Variants in AUTS2 observed in about 807,000 individuals in gnomAD.
AUTS2 encodes the protein autism susceptibility gene 2 protein.
Under a neutral mutation model 112.4 loss-of-function variants are expected in AUTS2, and 17 were observed. The observed-to-expected ratio is 0.15, with a 90% CI of 0.10 to 0.23. The LOEUF is 0.23. Among genes scored for constraint, AUTS2 ranks in the 10% least tolerant of loss-of-function variants. The pLI, the probability that AUTS2 is intolerant of heterozygous loss-of-function variation, is 1.00. For synonymous variants in AUTS2, 751 were observed against 702.7 expected (o/e 1.07, Z -1.09); for missense variants, 1,510 against 1,701.6 (o/e 0.89, Z 1.98).
intron 2 of AUTS2, among the ~76,000 whole-genome samples, chr7:70,042,756 T>G (rs753665207): frequency 5.3e-5 from 8 of 152,186 alleles, no homozygotes; most frequent in Non-Finnish European, 8.8e-5. Context: ...TGAATGCTTG[T>G]AAAAGGTCAC....
chr7:70,137,772 A>G (rs1042471827), intron 4 of AUTS2, among the ~76,000 whole-genome samples: 2 of 152,348 alleles, frequency 1.3e-5, no homozygotes, highest in Non-Finnish European at 2.9e-5. Flanking sequence ...GCCTTCTGTT[A>G]TTCACACAAT....
At chr7:70,669,758 C>A (rs536215986) in intron 5 of AUTS2, among the ~76,000 whole-genome samples, 2 of 152,168 alleles carry the variant, frequency 1.3e-5, no homozygotes, top group African/African-American at 4.8e-5. Context: ...ATTTTCTGTG[C>A]GTTTCTTATT....
At chr7:70,461,908 G>A (rs1396182788) in intron 5 of AUTS2, among the ~76,000 whole-genome samples, 2 of 152,194 alleles carry the variant, frequency 1.3e-5, no homozygotes, top group East Asian at 1.9e-4. Flanking sequence ...TGTTTCATTG[G>A]CCTTTCTCAA....
intron 4 of AUTS2, among the ~76,000 whole-genome samples, chr7:70,250,574 A>T (rs1049922478): frequency 5.9e-5 from 9 of 152,236 alleles, no homozygotes; most frequent in African/African-American, 2.2e-4. Context: ...AATTTTAATT[A>T]TACATGTACT....
chr7:70,609,967 TGTTGTTG>T (rs1803997055), intron 5 of AUTS2, among the ~76,000 whole-genome samples: 1 of 73,926 alleles, frequency 1.4e-5, no homozygotes, highest in African/African-American at 4.7e-5. Flanking sequence ...TTTTTGTTGT[TGTTGTTG>T]TTGTTGTTGT....
chr7:69,989,474 A>AG (rs1232928046), intron 2 of AUTS2, among the ~76,000 whole-genome samples: 1 of 152,194 alleles, frequency 6.6e-6, no homozygotes, highest in African/African-American at 2.4e-5. Flanking sequence ...TTTCTAGTGT[A>AG]GAGCCTGACA....
intron 2 of AUTS2, among the ~76,000 whole-genome samples, chr7:70,020,383 C>G (rs1054223155): frequency 6.6e-6 from 1 of 152,168 alleles, no homozygotes; most frequent in Non-Finnish European, 1.5e-5. Context: ...TTAAAACATT[C>G]TATTGCAGTT....
chr7:70,068,364 T>G (rs13241282), intron 2 of AUTS2, among the ~76,000 whole-genome samples: 5 of 151,776 alleles, frequency 3.3e-5, no homozygotes, highest in African/African-American at 1.2e-4. Flanking sequence ...TTTTGTATTT[T>G]TAGTGGAAAC....
chr7:70,766,207 G>A lies in AUTS2; in HGVS notation c.1562G>A (p.Arg521Gln), dbSNP rs762837573. 3.6e-5 allele frequency: 58 copies of A among 1,613,928 alleles called. No homozygotes were observed. Among genetic ancestry groups the A allele is most frequent in the East Asian group, 6.7e-5 (3 of 44,884 alleles). ...TCCCTGGGCCCTCCGCCCTACCTGC[G>A]GACCGAGTTCCATCAGCACCAGCAC... ...GASLGPPPYL[R>Q]TEFHQHQHQH... The change falls in exon 9 of 19, where the codon CGG becomes CAG. Residue 521 changes from arginine to glutamine, a missense_variant. Physicochemically the swap from Arg to Gln is conservative, Grantham distance 43. Transcript: ENST00000342771. The surrounding 1 kb of genome is among the most constrained non-coding windows in gnomAD (Gnocchi z 4.8).
chr7:69,660,856 C>T (rs1284373604), intron 1 of AUTS2, among the ~76,000 whole-genome samples: 1 of 152,210 alleles, frequency 6.6e-6, no homozygotes, highest in Non-Finnish European at 1.5e-5. Flanking sequence ...ATGGCATGAA[C>T]CCGGGAGGCG....
At chr7:70,459,595 A>G (rs1245854548) in intron 5 of AUTS2, among the ~76,000 whole-genome samples, 2 of 152,242 alleles carry the variant, frequency 1.3e-5, no homozygotes, top group Non-Finnish European at 2.9e-5. Context: ...TTGGGAAACC[A>G]TCTCAGAGTG....
chr7:70,763,665 G>A (rs1334881975), intron 7 of AUTS2, among the ~76,000 whole-genome samples: 1 of 152,176 alleles, frequency 6.6e-6, no homozygotes, highest in African/African-American at 2.4e-5. Context: ...GGGAGTCGAA[G>A]CCTGGGGCAT....
intron 6 of AUTS2, among the ~76,000 whole-genome samples, chr7:70,702,364 A>G (rs558706672): frequency 6.6e-6 from 1 of 152,314 alleles, no homozygotes; most frequent in East Asian, 1.9e-4. Context: ...CCTCCTTCCC[A>G]GGATTTAGCC....
intron 1 of AUTS2, among the ~76,000 whole-genome samples, chr7:69,783,088 CTT>C (rs398047755): frequency 1.1e-3 from 96 of 85,126 alleles, no homozygotes; most frequent in Non-Finnish European, 1.6e-3. Flanking sequence ...TGCTGCTCAT[CTT>C]TTTTTTTTTT....
At chr7:69,799,871 A>G (rs981527118) in intron 1 of AUTS2, among the ~76,000 whole-genome samples, 11 of 152,182 alleles carry the variant, frequency 7.2e-5, no homozygotes, top group African/African-American at 2.2e-4. Context: ...TGTCTGGAGT[A>G]TGCCCAACCC....
At chr7:69,930,428 C>G (rs1171412717) in intron 2 of AUTS2, among the ~76,000 whole-genome samples, 1 of 152,194 alleles carries the variant, frequency 6.6e-6, no homozygotes, top group Admixed American at 6.5e-5. Flanking sequence ...CCAGTTTCAT[C>G]TCCTGGTATT....
intron 1 of AUTS2, among the ~76,000 whole-genome samples, chr7:69,882,813 C>T (rs1440186991): frequency 1.3e-5 from 2 of 152,108 alleles, no homozygotes; most frequent in African/African-American, 2.4e-5. Context: ...ACTCATTAAA[C>T]ACAATCTTGA....
chr7:70,608,839 G>A (rs183975101), intron 5 of AUTS2, among the ~76,000 whole-genome samples: 7 of 152,194 alleles, frequency 4.6e-5, no homozygotes, highest in South Asian at 2.1e-4. Flanking sequence ...TGACTTGCCC[G>A]ATTAAATGCA....
intron 2 of AUTS2, among the ~76,000 whole-genome samples, chr7:69,974,739 G>T (rs2129548421): frequency 6.6e-6 from 1 of 152,252 alleles, no homozygotes; most frequent in African/African-American, 2.4e-5. Context: ...CAATTCAAAT[G>T]CTATTCTCTT....
Sources: gnomAD v4.1 joint callset for allele counts (sites outside exome capture counted in the v4.1 genomes callset) on GRCh38, gnomAD v4.1.1 for gene constraint, Gnocchi (gnomAD v3.1) non-coding constraint, MANE v1.5 for transcripts, NCBI Gene and HGNC (gene_info 2026-07-23, HGNC 2026-07-21) for gene names.